Variants in EDIL3 observed in about 807,000 individuals in gnomAD.
EDIL3 encodes the protein EGF like and discoidin domains 3, also known as EGF-like repeat and discoidin I-like domain-containing protein 3.
In EDIL3, 37 loss-of-function variants were observed where a neutral mutation model predicts 67.4. That is an observed-to-expected ratio of 0.55 (90% CI 0.42 to 0.72). The LOEUF is 0.72. Among genes scored for constraint, EDIL3 ranks in the 30% least tolerant of loss-of-function variants. The pLI, the probability that EDIL3 is intolerant of heterozygous loss-of-function variation, is 0.00. For synonymous variants in EDIL3, 195 were observed against 196.3 expected (o/e 0.99, Z 0.05); for missense variants, 527 against 586.3 (o/e 0.90, Z 1.04).
chr5:83,985,086 C>G (rs964777593), intron 9 of EDIL3, among the ~76,000 whole-genome samples: 1 of 151,846 alleles, frequency 6.6e-6, no homozygotes, highest in Non-Finnish European at 1.5e-5. Flanking sequence ...CCCATTCCAG[C>G]CTAAATAAAA....
chr5:84,092,567 G>C (rs181769052), intron 6 of EDIL3, among the ~76,000 whole-genome samples: 1 of 152,126 alleles, frequency 6.6e-6, no homozygotes, highest in East Asian at 1.9e-4. Context: ...AATAAAAATA[G>C]TTTGTATATC....
intron 5 of EDIL3, among the ~76,000 whole-genome samples, 193 bp downstream of exon 5, chr5:84,137,048 C>CA (rs1461585785): frequency 6.6e-6 from 1 of 152,024 alleles, no homozygotes; most frequent in African/African-American, 2.4e-5. Context: ...TAACATACCA[C>CA]AAATATGAAA....
rs138526833 is a variant in EDIL3 at position 84,060,776 on chromosome 5, T to C, written c.953-292A>G. On this transcript the variant is annotated intron_variant, in intron 8 of 10. Transcript: ENST00000296591. ...AGATGATTCTGCAAAATGAAAACAA[T>C]GCTGAAATGCTCTCTCCTGTCTCAT... Among the ~76,000 whole-genome samples the C allele has an allele frequency of 8.5e-5, 13 of 152,260 alleles. No homozygotes were observed. In the East Asian group the frequency reaches 2.3e-3, roughly 27 times the overall value.
At chr5:83,989,255 G>C (rs1745107864) in intron 9 of EDIL3, among the ~76,000 whole-genome samples, 1 of 152,080 alleles carries the variant, frequency 6.6e-6, no homozygotes, top group African/African-American at 2.4e-5. Context: ...CCATGTAAAA[G>C]AAAAGATTCA....
rs141423174 is a variant in EDIL3 at position 84,038,740 on chromosome 5, A to G, written c.1137+21560T>C. 1.6e-3 allele frequency among the ~76,000 whole-genome samples: 246 copies of G among 152,340 alleles called. 2 individuals are homozygous for G. Among genetic ancestry groups the G allele is most frequent in the African/African-American group, 5.6e-3 (234 of 41,588 alleles). On this transcript the variant is annotated intron_variant, in intron 9 of 10. Transcript: ENST00000296591. ...GGGGTCTAGGTGTTTTTTGGAATATACAAAATAATCAGATTCAAAGCTAGG... is the reference window on the plus strand; with the variant it reads ...GGGGTCTAGGTGTTTTTTGGAATATGCAAAATAATCAGATTCAAAGCTAGG...
At chr5:84,162,238 T>C (rs922209958) in intron 4 of EDIL3, among the ~76,000 whole-genome samples, 1 of 152,092 alleles carries the variant, frequency 6.6e-6, no homozygotes, top group Admixed American at 6.6e-5. Context: ...GCATGTTCCC[T>C]TGTACCCATG....
intron 4 of EDIL3, among the ~76,000 whole-genome samples, chr5:84,164,276 G>T (rs1270416090): frequency 2.0e-5 from 3 of 152,068 alleles, no homozygotes; most frequent in Non-Finnish European, 2.9e-5. Flanking sequence ...CATTAAGTTT[G>T]TCTATGTAGA....
At chr5:84,379,783 G>C (rs531934885) in intron 1 of EDIL3, among the ~76,000 whole-genome samples, 1 of 152,030 alleles carries the variant, frequency 6.6e-6, no homozygotes, top group African/African-American at 2.4e-5. Context: ...CTTCCTCAGG[G>C]AAGCAATGAA....
intron 10 of EDIL3, among the ~76,000 whole-genome samples, chr5:83,957,899 T>A (rs1414653069): frequency 2.6e-5 from 4 of 151,630 alleles, no homozygotes; most frequent in African/African-American, 9.7e-5. Flanking sequence ...GAATACACAG[T>A]TGGATGAATA....
chr5:84,081,635 T>C (rs1746970775), intron 6 of EDIL3, among the ~76,000 whole-genome samples: 1 of 152,180 alleles, frequency 6.6e-6, no homozygotes. Context: ...TGTGCGAGGC[T>C]TGACTTTCTT....
intron 10 of EDIL3, among the ~76,000 whole-genome samples, chr5:83,948,171 C>G (rs773215666): frequency 6.6e-6 from 1 of 151,774 alleles, no homozygotes; most frequent in Non-Finnish European, 1.5e-5. Flanking sequence ...ATAATTTCTC[C>G]TCAGTGAGGG....
chr5:84,056,020 T>G (rs527988942), intron 9 of EDIL3, among the ~76,000 whole-genome samples: 1 of 152,196 alleles, frequency 6.6e-6, no homozygotes, highest in South Asian at 2.1e-4. Flanking sequence ...CGTATGTTTA[T>G]TGCAGCACTC....
At chr5:84,287,333 TTC>T (rs1296492076) in intron 1 of EDIL3, among the ~76,000 whole-genome samples, 1 of 152,176 alleles carries the variant, frequency 6.6e-6, no homozygotes, top group Non-Finnish European at 1.5e-5. Flanking sequence ...ATGTGGGTAT[TTC>T]TCTTCCAAAG....
At chr5:84,377,365 G>T (rs974968289) in intron 1 of EDIL3, among the ~76,000 whole-genome samples, 7 of 151,254 alleles carry the variant, frequency 4.6e-5, no homozygotes, top group Admixed American at 2.6e-4. Context: ...TAAGGCTCAG[G>T]CCTGTAGGTG....
At chr5:84,352,737 A>G (rs1002762826) in intron 1 of EDIL3, among the ~76,000 whole-genome samples, 16 of 152,176 alleles carry the variant, frequency 1.1e-4, no homozygotes, top group African/African-American at 3.4e-4. Flanking sequence ...AGATTTCACC[A>G]CTACACAGTA....
chr5:84,246,469 T>G (rs961258648), intron 2 of EDIL3, among the ~76,000 whole-genome samples: 1 of 152,362 alleles, frequency 6.6e-6, no homozygotes, highest in Non-Finnish European at 1.5e-5. Context: ...ACTTCTGAGA[T>G]AATATGATTA....
chr5:84,059,851 A>G (rs536892613), intron 9 of EDIL3, among the ~76,000 whole-genome samples: 1 of 152,308 alleles, frequency 6.6e-6, no homozygotes, highest in Non-Finnish European at 1.5e-5. Flanking sequence ...GTAATCAAAT[A>G]TCTTCATTGC....
chr5:83,945,595 C>T (rs1166723560), intron 10 of EDIL3, among the ~76,000 whole-genome samples: 4 of 151,886 alleles, frequency 2.6e-5, no homozygotes, highest in Admixed American at 2.0e-4. Context: ...CTCTCCAGCA[C>T]AGGTTTTGAT....
At chr5:84,176,209 A>ATATATAT (rs1554071686) in intron 4 of EDIL3, among the ~76,000 whole-genome samples, 2 of 37,484 alleles carry the variant, frequency 5.3e-5, no homozygotes, top group Non-Finnish European at 5.8e-5. Context: ...ATATATATAT[A>ATATATAT]TATATATATA....
Sources: allele counts gnomAD v4.1 joint callset (sites outside exome capture counted in the v4.1 genomes callset), GRCh38; gene constraint gnomAD v4.1.1; transcripts MANE v1.5; gene names NCBI Gene and HGNC (gene_info 2026-07-23, HGNC 2026-07-21).